Variants in NHSL1 observed in about 807,000 individuals in gnomAD.
NHSL1 encodes NHS-like protein 1.
A neutral mutation model predicts 95.0 loss-of-function variants in NHSL1; 48 were observed. That is an observed-to-expected ratio of 0.51 (90% CI 0.40 to 0.64). NHSL1 has a LOEUF of 0.64. Among genes scored for constraint, NHSL1 ranks in the 30% least tolerant of loss-of-function variants. NHSL1 has a pLI of 0.00. For missense variants in NHSL1, 1,971 were observed against 2,077.7 expected (o/e 0.95, Z 1.00); for synonymous variants, 783 against 833.9 (o/e 0.94, Z 1.05).
At chr6:138,594,463 G>A (rs1041498220) in intron 1 of NHSL1, among the ~76,000 whole-genome samples, 15 of 152,210 alleles carry the variant, frequency 9.9e-5, no homozygotes, top group African/African-American at 3.4e-4. Context: ...TGACATCGTT[G>A]AGTGTTTTCC....
intron 5 of NHSL1, among the ~76,000 whole-genome samples, chr6:138,440,773 C>T (rs1021013953): frequency 1.3e-5 from 2 of 152,232 alleles, no homozygotes; most frequent in Non-Finnish European, 2.9e-5. Flanking sequence ...AGGTGACATA[C>T]AACCTCAAGG....
chr6:138,654,087 T>C (rs1785126350), intron 1 of NHSL1, among the ~76,000 whole-genome samples: 2 of 152,214 alleles, frequency 1.3e-5, no homozygotes, highest in Admixed American at 1.3e-4. Flanking sequence ...GTGACTGATT[T>C]GTAAATGAGT....
Position 138,499,400 on chromosome 6 carries a change from C to T in NHSL1, c.-110G>A. 6.7e-7 allele frequency: 1 copy of T among 1,491,784 alleles called. No individual in the cohort carries two copies. The allele number at this position is 1,491,784 out of a possible 1,614,324, so 92.4% of individuals were successfully genotyped here. ...GCTACAGATTCTAACTTTTTCTTCC[C>T]CCGGTCTCATATCCTTAGACATCTG... On this transcript the variant is annotated 5_prime_UTR_variant, in exon 1 of 8. Transcript: ENST00000343505.
At chr6:138,587,424 A>G (rs540011511) in intron 1 of NHSL1, among the ~76,000 whole-genome samples, 2 of 151,282 alleles carry the variant, frequency 1.3e-5, no homozygotes, top group African/African-American at 2.4e-5. Context: ...TCTACTAAAA[A>G]TACAAAAAAT....
At chr6:138,585,324 C>T (rs1388272963) in intron 1 of NHSL1, among the ~76,000 whole-genome samples, 1 of 152,132 alleles carries the variant, frequency 6.6e-6, no homozygotes, top group Non-Finnish European at 1.5e-5. Flanking sequence ...AAGAAGTGAG[C>T]ACCCAAGTCT....
intron 2 of NHSL1, among the ~76,000 whole-genome samples, chr6:138,490,235 T>C (rs897648590): frequency 6.6e-5 from 10 of 152,130 alleles, no homozygotes; most frequent in Non-Finnish European, 8.8e-5. Flanking sequence ...ATCTTGGGCC[T>C]GTCTGAGGTG....
upstream of NHSL1, among the ~76,000 whole-genome samples, chr6:138,501,047 A>T (rs1452159710): frequency 6.6e-6 from 1 of 152,236 alleles, no homozygotes; most frequent in Non-Finnish European, 1.5e-5. Context: ...TGCTCATTGC[A>T]TTAGACACAA....
intron 1 of NHSL1, among the ~76,000 whole-genome samples, chr6:138,670,628 T>C (rs1361191005): frequency 3.9e-5 from 5 of 129,590 alleles, no homozygotes; most frequent in Admixed American, 8.9e-5. Context: ...ATCCCGCCAC[T>C]GCACTCCAGC....
At chr6:138,537,906 G>A (rs1583377647) in intron 1 of NHSL1, among the ~76,000 whole-genome samples, 2 of 152,126 alleles carry the variant, frequency 1.3e-5, no homozygotes, top group Non-Finnish European at 2.9e-5. Flanking sequence ...AGGCCGGCGA[G>A]AAGTCCAGAG....
chr6:138,625,133 TTGTTGC>T (rs1784718924), intron 1 of NHSL1, among the ~76,000 whole-genome samples: 2 of 151,000 alleles, frequency 1.3e-5, no homozygotes, highest in Non-Finnish European at 3.0e-5. Context: ...TTTTTTGTTG[TTGTTGC>T]TTTGTTTTGC....
Position 138,430,408 on chromosome 6 carries a change from G to C in NHSL1, c.3937C>G (p.Gln1313Glu). Residue 1313 changes from glutamine (Q) to glutamate (E), a missense_variant, in exon 6 of 8, where the codon CAA (glutamine) becomes GAA (glutamate). Physicochemically the swap from Gln to Glu is conservative, Grantham distance 29 (BLOSUM62 2). This residue lies in a region of NHSL1 where 146 missense variants were observed against 206.3 expected (regional missense o/e 0.71). Coordinates refer to ENST00000343505, the MANE Select transcript of NHSL1 (RefSeq NM_001144060.2). This position sits in a 1 kb window ranked among gnomAD's most constrained non-coding sequence, Gnocchi z 4.7. ...CCAGACTCACCTGCTCCGTCCTGTT[G>C]AGATAGGCAGCTCTCCCCATCGCCC... Reference protein sequence around the residue: ...TGGDGESCLSQQDGAAGVPET... With the variant: ...TGGDGESCLSEQDGAAGVPET... The C allele has an allele frequency of 6.7e-7, 1 of 1,487,832 alleles. No homozygotes were observed. Among genetic ancestry groups the C allele is most frequent in the Non-Finnish European group, 9.0e-7 (1 of 1,112,776 alleles). The allele number at this position is 1,487,832 out of a possible 1,614,324, so 92.2% of individuals were successfully genotyped here.
chr6:138,661,783 T>C (rs1785230441), intron 1 of NHSL1, among the ~76,000 whole-genome samples: 1 of 152,188 alleles, frequency 6.6e-6, no homozygotes, highest in Admixed American at 6.5e-5. Context: ...TAATTTCAGC[T>C]TGGGACAGGC....
At position 138,644,361 on chromosome 6, in the gene NHSL1, C is replaced by T. The variant is rs748252133; in HGVS notation, c.96+48115G>A. Among the ~76,000 whole-genome samples the T allele has an allele frequency of 5.9e-5, 9 of 151,854 alleles. 1 individual carries two copies. The highest frequency in any genetic ancestry group is 1.2e-4 in the Non-Finnish European group (8 of 67,984). On this transcript the variant is annotated intron_variant, in intron 1 of 3. Coordinates refer to the NHSL1 transcript ENST00000491526. ...ACTAAAAATACAAAAATTAGCCAAG[C>T]GTGGTGGTGCATATGCCTATAATCC...
In NHSL1 at chr6:138,506,239, C is replaced by G. The variant is rs1288933083; in HGVS notation, c.17-9868G>C. Among the ~76,000 whole-genome samples the G allele has an allele frequency of 2.6e-5, 4 of 152,124 alleles. 1 individual carries two copies. In the South Asian group the frequency reaches 6.2e-4, roughly 24 times the overall value. On this transcript the variant is annotated intron_variant, in intron 1 of 4. Coordinates refer to the NHSL1 transcript ENST00000342260. ...CTGTTTATTAAGGAACAAAATCTTC[C>G]TATGTTAACTCTTGAAGGTAAGAAT...
rs145083047 is a variant in NHSL1, at chr6:138,688,567, C to A, written c.96+3909G>T. On this transcript the variant is annotated intron_variant, in intron 1 of 3. Coordinates refer to the NHSL1 transcript ENST00000491526. ...GATGAGGCAGGGAATTGCTTGAACC[C>A]GGGAGGCAGAGGTTGCAGTGAGCTG... is the stretch of plus-strand genomic sequence containing the variant. 7.3e-3 allele frequency among the ~76,000 whole-genome samples: 1,109 copies of A among 152,040 alleles called. 10 individuals are homozygous for A. The highest frequency in any genetic ancestry group is 0.025 in the African/African-American group (1,047 of 41,466).
chr6:138,543,123 T>A (rs1055316591), intron 1 of NHSL1, among the ~76,000 whole-genome samples: 1 of 152,194 alleles, frequency 6.6e-6, no homozygotes, highest in Non-Finnish European at 1.5e-5. Context: ...ATTAATCATA[T>A]TATTCGCTAT....
At chr6:138,426,420 G>T (rs562409875) in intron 7 of NHSL1, among the ~76,000 whole-genome samples, 1 of 152,272 alleles carries the variant, frequency 6.6e-6, no homozygotes, top group East Asian at 1.9e-4. Flanking sequence ...CACTGCTAAA[G>T]CTTCCTTGTT....
chr6:138,673,031 G>GTAGATAGATAGATAGA (rs113615261), intron 1 of NHSL1, among the ~76,000 whole-genome samples: 220 of 148,162 alleles, frequency 1.5e-3, no homozygotes, highest in African/African-American at 1.9e-3. Flanking sequence ...AGATAGATAG[G>GTAGATAGATAGATAGA]TAGATAGATA....
At chr6:138,425,614 C>T (rs539452553) in intron 7 of NHSL1, among the ~76,000 whole-genome samples, 2 of 152,304 alleles carry the variant, frequency 1.3e-5, no homozygotes, top group African/African-American at 4.8e-5. Context: ...TCCTTGATCT[C>T]TCCTAGACGG....
Sources: gnomAD v4.1 joint callset for allele counts (sites outside exome capture counted in the v4.1 genomes callset) on GRCh38, gnomAD v4.1.1 for gene constraint, gnomAD v4.1.1 regional missense constraint, Gnocchi (gnomAD v3.1) non-coding constraint, MANE v1.5 for transcripts, NCBI Gene and HGNC (gene_info 2026-07-23, HGNC 2026-07-21) for gene names.